Variants in DMD observed in about 807,000 individuals in gnomAD.
DMD encodes dystrophin.
In DMD, 63 loss-of-function variants were observed where a neutral mutation model predicts 330.1. The ratio of observed to expected loss-of-function variants is 0.19; its 90% CI spans 0.16 to 0.24. The LOEUF (loss-of-function observed/expected upper bound fraction) is 0.24, where lower values mean the gene tolerates loss of function less well. Among genes scored for constraint, DMD ranks in the 10% least tolerant of loss-of-function variants. The pLI, the probability that DMD is intolerant of heterozygous loss-of-function variation, is 1.00. For synonymous variants in DMD, 1,223 were observed against 959.8 expected (o/e 1.27, Z -5.07); for missense variants, 3,344 against 2,684.1 (o/e 1.25, Z -5.43).
At chrX:31,163,205 G>A (rs751202433) in intron 74 of DMD, among the ~76,000 whole-genome samples, 33 of 111,552 alleles carry the variant, frequency 3.0e-4, no homozygotes, top group Non-Finnish European at 5.8e-4. Flanking sequence ...CACATATCAT[G>A]GGAGGAACCC....
intron 44 of DMD, among the ~76,000 whole-genome samples, chrX:31,981,416 A>G (rs961863094): frequency 1.1e-4 from 12 of 111,830 alleles, no homozygotes; most frequent in Non-Finnish European, 5.6e-5. Flanking sequence ...AAAGGTGCTC[A>G]GATTCTAATA....
At position 31,679,534 on chromosome X, in the gene DMD, C is replaced by T; in HGVS notation, c.7713G>A (p.Arg2571=). The T allele has an allele frequency of 8.3e-7, 1 of 1,211,676 alleles. No individual in the cohort carries two copies. The highest frequency in any genetic ancestry group is 1.1e-6 in the Non-Finnish European group (1 of 895,471). The change falls in exon 53 of 79, where the codon CGG becomes CGA. Residue 2571 remains arginine, a synonymous_variant. Coordinates refer to ENST00000357033, the MANE Select transcript of DMD (RefSeq NM_004006.3). ...TTAACATTTCATTCAACTGTTGCCT[C>T]CGGTTCTGAAGGTGTTCTTGTACTT... ...WDEVQEHLQN[R]RQQLNEMLKD... is the part of the protein sequence containing the mutation.
chrX:32,629,799 T>TA (rs57965070), intron 11 of DMD, among the ~76,000 whole-genome samples: 19,630 of 99,091 alleles, frequency 0.2, 1,847 homozygotes, highest in African/African-American at 0.34. Context: ...AAGAGAAAAC[T>TA]AAAAAAAAAA....
chrX:31,603,717 G>A lies in DMD; in HGVS notation c.8217+23956C>T, dbSNP rs749620187. On this transcript the variant is annotated intron_variant, in intron 55 of 78. Coordinates refer to ENST00000357033, the MANE Select transcript of DMD (RefSeq NM_004006.3). ...GGATTTAAGTCCTTTTGTACAGAAA[G>A]GAACAAACAAGTGATAAGGTACCTT... Among the ~76,000 whole-genome samples the A allele has an allele frequency of 4.0e-4, 45 of 112,072 alleles. No homozygotes were observed. In the Middle Eastern group the frequency reaches 0.018, roughly 46 times the overall value.
At chrX:32,883,913 T>G (rs1001499859) in intron 2 of DMD, among the ~76,000 whole-genome samples, 1 of 108,393 alleles carries the variant, frequency 9.2e-6, no homozygotes, top group African/African-American at 3.4e-5. Context: ...TTTCATGATA[T>G]TCTTAATATT....
intron 50 of DMD, among the ~76,000 whole-genome samples, chrX:31,778,565 A>ATT (rs36164865): frequency 0.039 from 2,481 of 62,859 alleles, 133 homozygotes; most frequent in African/African-American, 0.092. Context: ...AAGTCCTGAA[A>ATT]TTTTTTTTTT....
chrX:32,997,877 G>C (rs2093166355), intron 2 of DMD, among the ~76,000 whole-genome samples: 1 of 111,508 alleles, frequency 9.0e-6, no homozygotes, highest in Non-Finnish European at 1.9e-5. Flanking sequence ...CCTGAAATTG[G>C]CCACTCATAG....
intron 1 of DMD, among the ~76,000 whole-genome samples, chrX:33,223,419 T>C (rs756899708): frequency 8.9e-6 from 1 of 112,250 alleles, no homozygotes; most frequent in Non-Finnish European, 1.9e-5. Context: ...CAGTGTCTTA[T>C]TGGCAAAAGA....
At chrX:32,685,145 G>A (rs1193289218) in intron 9 of DMD, among the ~76,000 whole-genome samples, 2 of 109,447 alleles carry the variant, frequency 1.8e-5, no homozygotes, top group Non-Finnish European at 3.8e-5. Context: ...ATACTACAGT[G>A]CTTCCGGCAT....
intron 1 of DMD, among the ~76,000 whole-genome samples, chrX:33,089,254 C>CG (rs1321088196): frequency 9.1e-6 from 1 of 109,521 alleles, no homozygotes; most frequent in African/African-American, 3.3e-5. Flanking sequence ...TTAGTAGAGA[C>CG]GGGGTTTCAC....
chrX:31,992,102 G>A (rs1264845990), intron 44 of DMD, among the ~76,000 whole-genome samples: 2 of 111,780 alleles, frequency 1.8e-5, no homozygotes, highest in African/African-American at 6.5e-5. Context: ...TGTAATGGGA[G>A]CTAATAGACA....
At chrX:32,742,114 A>C in intron 7 of DMD, among the ~76,000 whole-genome samples, 1 of 111,764 alleles carries the variant, frequency 8.9e-6, no homozygotes, top group East Asian at 2.8e-4. Context: ...TGGTCATGCC[A>C]CTATGATGAC....
chrX:32,886,075 T>C (rs1392548688), intron 2 of DMD, among the ~76,000 whole-genome samples: 2 of 111,457 alleles, frequency 1.8e-5, no homozygotes, highest in Non-Finnish European at 3.8e-5. Context: ...GTGTATCATA[T>C]ATAAAACATT....
intron 62 of DMD, among the ~76,000 whole-genome samples, chrX:31,279,229 CACAA>C (rs1569515227): frequency 8.9e-6 from 1 of 112,379 alleles, no homozygotes; most frequent in Non-Finnish European, 1.9e-5. Context: ...GCTGTGAAGC[CACAA>C]ACAGTTTAGC....
At chrX:31,484,128 T>C (rs150388689) in intron 57 of DMD, among the ~76,000 whole-genome samples, 5,949 of 111,969 alleles carry the variant, frequency 0.053, 167 homozygotes, top group Non-Finnish European at 0.084. Flanking sequence ...TGAAGACTTT[T>C]TTTTAAAAAA....
Position 32,484,916 on chromosome X carries a change from T to A in DMD, c.2803+3A>T. 8.3e-7 allele frequency: 1 copy of A among 1,210,688 alleles called. No homozygotes were observed. The highest frequency in any genetic ancestry group is 1.1e-6 in the Non-Finnish European group (1 of 894,709). ...AGTTAGCCATTTTAGGCTTTTTACTTACTTGTCTGTAGCTCTTTCTCTCTG... is the reference window on the plus strand; with the variant it reads ...AGTTAGCCATTTTAGGCTTTTTACTAACTTGTCTGTAGCTCTTTCTCTCTG... On this transcript the variant is annotated splice_donor_region_variant and intron_variant, in intron 21 of 78. Transcript: ENST00000357033.
At chrX:33,154,272 C>T (rs1049444239) in intron 1 of DMD, among the ~76,000 whole-genome samples, 7 of 110,956 alleles carry the variant, frequency 6.3e-5, no homozygotes, top group Non-Finnish European at 1.1e-4. Flanking sequence ...TGGTGGGCGC[C>T]TGTAATCCCA....
chrX:32,589,675 T>A (rs2054676718), intron 13 of DMD, among the ~76,000 whole-genome samples: 1 of 111,698 alleles, frequency 9.0e-6, no homozygotes, highest in Non-Finnish European at 1.9e-5. Flanking sequence ...TACTTGCATT[T>A]TTAAAAAGCA....
At chrX:33,017,258 G>A (rs2093820560) in intron 2 of DMD, among the ~76,000 whole-genome samples, 1 of 111,544 alleles carries the variant, frequency 9.0e-6, no homozygotes, top group African/African-American at 3.2e-5. Context: ...TATCCCTTCC[G>A]TAGCTTTACA....
Sources: gnomAD v4.1 joint callset for allele counts (sites outside exome capture counted in the v4.1 genomes callset) on GRCh38, gnomAD v4.1.1 for gene constraint, MANE v1.5 for transcripts, NCBI Gene and HGNC (gene_info 2026-07-23, HGNC 2026-07-21) for gene names.